Variants in ATIC observed in about 807,000 individuals in gnomAD.
ATIC encodes the protein bifunctional purine biosynthesis protein ATIC.
In ATIC, 64 loss-of-function variants were observed where a neutral mutation model predicts 72.5. The observed-to-expected ratio is 0.88, with a 90% CI of 0.72 to 1.09. The LOEUF (loss-of-function observed/expected upper bound fraction) is 1.09, where lower values mean the gene tolerates loss of function less well. Ranked by LOEUF, ATIC falls within the 50% of genes least tolerant of loss-of-function variation. The probability of loss-of-function intolerance (pLI) is 0.00; values close to 1 mark genes in which losing one functional copy is unlikely to be tolerated. For synonymous variants in ATIC, 281 were observed against 267.1 expected, an observed-to-expected ratio of 1.05 and a Z score of -0.51; for missense variants, 787 against 732.4, an observed-to-expected ratio of 1.07 and a Z score of -0.86.
At chr2:215,365,370 A>G in the ATIC span, 4 of 972,058 alleles carry the variant, frequency 4.1e-6, no homozygotes, top group African/African-American at 4.9e-5. Flanking sequence ...TCCCAAATCA[A>G]AAGATTAAGA....
At chr2:215,344,420 G>A (rs2053050715) in intron 12 of ATIC, among the ~76,000 whole-genome samples, 1 of 152,104 alleles carries the variant, frequency 6.6e-6, no homozygotes. Flanking sequence ...AGGTGTGGTG[G>A]CTCACACCTG....
intron 7 of ATIC, among the ~76,000 whole-genome samples, chr2:215,330,966 T>C (rs945136726): frequency 4.6e-5 from 7 of 152,268 alleles, no homozygotes; most frequent in South Asian, 4.1e-4. Context: ...TTTTTGTGGG[T>C]TGGTAGCTTA....
At chr2:215,358,264 C>T in the ATIC span, among the ~76,000 whole-genome samples, 3 of 152,218 alleles carry the variant, frequency 2.0e-5, no homozygotes, top group East Asian at 5.8e-4. Flanking sequence ...AACTTTAAAA[C>T]GATGATATTT....
intron 7 of ATIC, among the ~76,000 whole-genome samples, chr2:215,330,118 A>G (rs953162103): frequency 6.6e-6 from 1 of 152,172 alleles, no homozygotes; most frequent in Admixed American, 6.5e-5. Context: ...CCACTTATCA[A>G]CCTTAGCCTA....
the ATIC span, chr2:215,362,293 A>C: frequency 2.3e-5 from 13 of 562,192 alleles, no homozygotes; most frequent in African/African-American, 7.5e-5. Flanking sequence ...CTGTCTCTCT[A>C]TGTTGTTTCT....
In ATIC at chr2:215,336,315, A is replaced by G. The variant is rs78439519; in HGVS notation, c.1098+191A>G. ...GATGAGAGTAGCTTTCTTACCCTCA[A>G]TTTTAACTTTTTGCTGGTTGTGATG... is the stretch of plus-strand genomic sequence containing the variant. On this transcript the variant is annotated intron_variant, in intron 11 of 15. Transcript: ENST00000236959. 4.4e-3 allele frequency among the ~76,000 whole-genome samples: 667 copies of G among 152,286 alleles called. 11 individuals carry two copies. Among genetic ancestry groups the G allele is most frequent in the East Asian group, 0.022 (113 of 5,174 alleles).
At chr2:215,356,500 ATTG>A in the ATIC span, among the ~76,000 whole-genome samples, 1 of 152,200 alleles carries the variant, frequency 6.6e-6, no homozygotes, top group Non-Finnish European at 1.5e-5. Context: ...TTTAAAGCGT[ATTG>A]TTCAGCAGTT....
chr2:215,365,758 A>T, the ATIC span: 1 of 726,978 alleles, frequency 1.4e-6, no homozygotes, highest in Non-Finnish European at 2.3e-6. Context: ...AGTTAAAGAT[A>T]AAAACCCCTA....
chr2:215,333,212 T>C (rs1267063178), intron 8 of ATIC, 138 bp from the exon 9 acceptor site: 8 of 732,742 alleles, frequency 1.1e-5, no homozygotes, highest in South Asian at 6.3e-5. Flanking sequence ...TCTGGCTAAA[T>C]AGATTTCTGT....
chr2:215,323,038 G>T (rs1311272595), intron 4 of ATIC, among the ~76,000 whole-genome samples: 1 of 152,062 alleles, frequency 6.6e-6, no homozygotes, highest in East Asian at 1.9e-4. Context: ...TCTGCCTCCC[G>T]GGTTCACGCC....
chr2:215,334,634 G>A (rs747129554), intron 9 of ATIC, among the ~76,000 whole-genome samples: 4 of 152,208 alleles, frequency 2.6e-5, no homozygotes, highest in Non-Finnish European at 4.4e-5. Context: ...GCAGTGGTCA[G>A]CAACTTCAGC....
chr2:215,328,718 C>CTTT (rs112676407), intron 7 of ATIC, among the ~76,000 whole-genome samples: 15 of 137,674 alleles, frequency 1.1e-4, no homozygotes, highest in East Asian at 6.4e-4. Flanking sequence ...TGGCAGCTTC[C>CTTT]TTTTTTTTTT....
At chr2:215,367,870 A>G in the ATIC span, 1 of 1,614,040 alleles carries the variant, frequency 6.2e-7, no homozygotes, top group Non-Finnish European at 8.5e-7. Context: ...CACTAGATGA[A>G]TCACATCTGA....
In ATIC at chr2:215,349,703, C is replaced by T. The variant is rs1223686187; in HGVS notation, c.*48C>T. 5 of 1,613,766 alleles carry T rather than the reference C, an allele frequency of 3.1e-6. No homozygotes were observed. The African/African-American group carries it at 6.7e-5, about 22-fold the overall frequency. The stretch of plus-strand genomic sequence containing the variant: ...GCTTGCTTATGTGTAGGTGAACAGT[C>T]ACGCCTGAAACTTTGAGGATAACTT... On this transcript the variant is annotated 3_prime_UTR_variant, in exon 16 of 16. Transcript: ENST00000236959.
chr2:215,355,050 C>G, the ATIC span, among the ~76,000 whole-genome samples: 6 of 152,050 alleles, frequency 3.9e-5, no homozygotes, highest in Admixed American at 3.3e-4. Flanking sequence ...ATTTTACTGT[C>G]TCACTTCCCT....
At chr2:215,362,088 G>A in the ATIC span, 1 of 1,607,094 alleles carries the variant, frequency 6.2e-7, no homozygotes, top group Non-Finnish European at 8.5e-7. Flanking sequence ...CCCTGAGAGA[G>A]TAGAGGCATG....
intron 7 of ATIC, 121 bp downstream of exon 7, chr2:215,327,099 A>G (rs866048002): frequency 1.3e-6 from 2 of 1,482,354 alleles, no homozygotes; most frequent in South Asian, 1.2e-5. Flanking sequence ...TCCTGTAGCC[A>G]TCTGATAACC....
the ATIC span, among the ~76,000 whole-genome samples, chr2:215,354,939 A>G: frequency 6.6e-6 from 1 of 152,032 alleles, no homozygotes; most frequent in Non-Finnish European, 1.5e-5. Flanking sequence ...CATGAAGGAC[A>G]GGATTGAATG....
At chr2:215,327,058 A>G in intron 7 of ATIC, 80 bp downstream of exon 7, 1 of 1,593,754 alleles carries the variant, frequency 6.3e-7, no homozygotes, top group Non-Finnish European at 8.6e-7. Flanking sequence ...GATGTGGTTC[A>G]CATTCAGAAG....
Sources: allele counts gnomAD v4.1 joint callset (sites outside exome capture counted in the v4.1 genomes callset), GRCh38; gene constraint gnomAD v4.1.1; transcripts MANE v1.5; gene names NCBI Gene and HGNC (gene_info 2026-07-23, HGNC 2026-07-21).